The following COG5 variants were observed in gnomAD, a reference collection of about 807,000 sequenced individuals.
The protein encoded by COG5 is conserved oligomeric Golgi complex subunit 5.
COG5 carries 86 observed loss-of-function variants against 110.4 expected under a neutral mutation model. That is an observed-to-expected ratio of 0.78 (90% CI 0.65 to 0.93). The LOEUF (loss-of-function observed/expected upper bound fraction) is 0.93. Among genes scored for constraint, COG5 ranks in the 40% least tolerant of loss-of-function variants. The pLI is 0.00. For synonymous variants in COG5, 360 were observed against 334.6 expected (o/e 1.08, Z -0.83); for missense variants, 1,077 against 987.0 (o/e 1.09, Z -1.22).
chr7:107,251,961 C>T (rs1802544010), intron 16 of COG5, among the ~76,000 whole-genome samples: 3 of 151,998 alleles, frequency 2.0e-5, no homozygotes, highest in Non-Finnish European at 2.9e-5. Flanking sequence ...TTGCTAAACT[C>T]CTAGCTAGAT....
At chr7:107,331,527 G>A (rs931527188) in intron 10 of COG5, among the ~76,000 whole-genome samples, 2 of 152,028 alleles carry the variant, frequency 1.3e-5, no homozygotes, top group African/African-American at 4.8e-5. Flanking sequence ...AGTGTGCGGG[G>A]TGTTATCAAG....
intron 2 of COG5, among the ~76,000 whole-genome samples, chr7:107,555,828 A>G (rs1803274341): frequency 6.6e-6 from 1 of 152,116 alleles, no homozygotes; most frequent in African/African-American, 2.4e-5. Context: ...CCTGGCCAAC[A>G]TGGTGAAATC....
rs1309195036 is a variant in COG5, at chr7:107,283,560, A to T, written c.1475+11T>A. On this transcript the variant is annotated intron_variant, in intron 13 of 21. Transcript: ENST00000297135. The stretch of plus-strand genomic sequence containing the variant: ...CATCTTATGGCAAGCCACTATATAA[A>T]AAATACATACCTTGCTATAGTTTTA... The T allele has an allele frequency of 1.2e-6, 2 of 1,611,810 alleles. No individual in the cohort carries two copies. Among genetic ancestry groups the T allele is most frequent in the Non-Finnish European group, 8.5e-7 (1 of 1,178,038 alleles).
intron 13 of COG5, 98 bp from the exon 14 acceptor site, chr7:107,281,497 A>G (rs1805162664): frequency 2.3e-6 from 2 of 866,254 alleles, no homozygotes; most frequent in Non-Finnish European, 3.8e-6. Flanking sequence ...CAATGTGGTT[A>G]TTCTTTTTAT....
chr7:107,391,108 G>T (rs1305367448), intron 7 of COG5, among the ~76,000 whole-genome samples: 1 of 151,954 alleles, frequency 6.6e-6, no homozygotes, highest in Non-Finnish European at 1.5e-5. Flanking sequence ...GAGGAGGGGG[G>T]AGGGTCGGCA....
At chr7:107,232,417 G>T (rs1009999335) in intron 18 of COG5, among the ~76,000 whole-genome samples, 12 of 152,206 alleles carry the variant, frequency 7.9e-5, no homozygotes, top group Middle Eastern at 3.4e-3. Context: ...CTATATAATG[G>T]TTTTTTACAT....
At chr7:107,307,051 C>T (rs1259765841) in intron 11 of COG5, among the ~76,000 whole-genome samples, 1 of 152,182 alleles carries the variant, frequency 6.6e-6, no homozygotes, top group East Asian at 1.9e-4. Flanking sequence ...AAGATGCCAA[C>T]ACACTCCGCC....
chr7:107,421,139 CTG>C (rs767821342), intron 6 of COG5, among the ~76,000 whole-genome samples: 2 of 152,144 alleles, frequency 1.3e-5, no homozygotes, highest in African/African-American at 2.4e-5. Flanking sequence ...GACTTTCTAA[CTG>C]TGATACTGTT....
chr7:107,420,751 G>A (rs535035995), intron 6 of COG5, among the ~76,000 whole-genome samples: 2 of 152,140 alleles, frequency 1.3e-5, no homozygotes, highest in Admixed American at 6.5e-5. Flanking sequence ...GTGAGCCACC[G>A]TGCCCATCCT....
intron 6 of COG5, among the ~76,000 whole-genome samples, chr7:107,439,659 T>C (rs1387092606): frequency 6.6e-6 from 1 of 152,102 alleles, no homozygotes; most frequent in Non-Finnish European, 1.5e-5. Flanking sequence ...TTATGTAAAA[T>C]ATAATTAATA....
chr7:107,333,306 A>G (rs1810431019), intron 10 of COG5, among the ~76,000 whole-genome samples: 1 of 152,220 alleles, frequency 6.6e-6, no homozygotes, highest in Admixed American at 6.5e-5. Context: ...TCGAGGGGAA[A>G]CATTTTGCTG....
At chr7:107,260,949 G>C (rs80095766) in intron 14 of COG5, among the ~76,000 whole-genome samples, 1 of 149,970 alleles carries the variant, frequency 6.7e-6, no homozygotes, top group Non-Finnish European at 1.5e-5. Context: ...TAGTTTTTTT[G>C]TTTGTTTGTT....
At chr7:107,360,487 G>C (rs1471997313) in intron 10 of COG5, among the ~76,000 whole-genome samples, 2 of 152,190 alleles carry the variant, frequency 1.3e-5, no homozygotes, top group Non-Finnish European at 2.9e-5. Context: ...GAAGAGCTGT[G>C]GCCCTTTGGG....
intron 10 of COG5, among the ~76,000 whole-genome samples, chr7:107,339,069 G>T (rs1810955070): frequency 6.6e-6 from 1 of 152,078 alleles, no homozygotes; most frequent in African/African-American, 2.4e-5. Context: ...CCAGGTAAAA[G>T]ACACAGAATT....
At chr7:107,490,681 T>C (rs966691608) in intron 6 of COG5, among the ~76,000 whole-genome samples, 1 of 152,158 alleles carries the variant, frequency 6.6e-6, no homozygotes, top group African/African-American at 2.4e-5. Flanking sequence ...TTGTTATATC[T>C]TCCTAACAGT....
At chr7:107,242,028 C>T (rs1055839483) in intron 17 of COG5, among the ~76,000 whole-genome samples, 1 of 152,108 alleles carries the variant, frequency 6.6e-6, no homozygotes, top group African/African-American at 2.4e-5. Context: ...GCAGTCTGCC[C>T]GCCTCAGCCT....
chr7:107,542,829 C>T (rs530803924), intron 5 of COG5, among the ~76,000 whole-genome samples: 34 of 151,980 alleles, frequency 2.2e-4, no homozygotes, highest in African/African-American at 8.2e-4. Flanking sequence ...AAAAAATAGC[C>T]AAATGTGGTG....
At chr7:107,367,406 G>A (rs1033296170) in intron 8 of COG5, among the ~76,000 whole-genome samples, 2 of 151,940 alleles carry the variant, frequency 1.3e-5, no homozygotes, top group South Asian at 2.1e-4. Flanking sequence ...TCTACCATTC[G>A]ATCCAGCAGT....
chr7:107,242,698 G>A (rs1801738589), intron 17 of COG5, among the ~76,000 whole-genome samples: 1 of 152,180 alleles, frequency 6.6e-6, no homozygotes, highest in Non-Finnish European at 1.5e-5. Context: ...GTCTCCCACA[G>A]GTCCCCCTGC....
Sources: allele counts gnomAD v4.1 joint callset (sites outside exome capture counted in the v4.1 genomes callset), GRCh38; gene constraint gnomAD v4.1.1; transcripts MANE v1.5; gene names NCBI Gene and HGNC (gene_info 2026-07-23, HGNC 2026-07-21).